Variants in GAS2L3 observed in about 807,000 individuals in gnomAD.
GAS2L3 encodes the protein growth arrest specific 2 like 3.
In GAS2L3, 28 loss-of-function variants were observed where a neutral mutation model predicts 37.0. The observed-to-expected ratio is 0.76, with a 90% CI of 0.56 to 1.04. GAS2L3 has a LOEUF of 1.04. Ranked by LOEUF, GAS2L3 falls within the 50% of genes least tolerant of loss-of-function variation. The pLI is 0.00. For missense variants in GAS2L3, 793 were observed against 817.6 expected, an observed-to-expected ratio of 0.97 and a Z score of 0.37; for synonymous variants, 290 against 296.6, an observed-to-expected ratio of 0.98 and a Z score of 0.23.
rs1053073917 is a variant in GAS2L3 at position 100,608,747 on chromosome 12, G to A, written c.304-3253G>A. On this transcript the variant is annotated intron_variant, in intron 5 of 9. Transcript: ENST00000547754. ...ACCATGGTCTTGATCTCCTGACCTC[G>A]TGATCCGCCCGCCTCGGCCTCCCAA... 5.9e-5 allele frequency among the ~76,000 whole-genome samples: 9 copies of A among 152,102 alleles called. No individual in the cohort carries two copies. In the South Asian group the frequency reaches 6.2e-4, roughly 11 times the overall value.
chr12:100,617,777 G>T lies in GAS2L3; in HGVS notation c.479G>T (p.Cys160Phe), dbSNP rs1351718913. The T allele has an allele frequency of 5.0e-6, 8 of 1,608,080 alleles. No individual in the cohort carries two copies. The highest frequency in any genetic ancestry group is 1.7e-5 in the Admixed American group (1 of 59,860). ...AAAGATCCAAGACAGGTGTATCTTT[G>T]TCTTCTTGAAATTGGTCGAATTGTG... ...LHKDPRQVYL[C>F]LLEIGRIVSR... Residue 160 changes from cysteine (C) to phenylalanine (F), a missense_variant, in exon 7 of 10, where the codon TGT becomes TTT. Transcript: ENST00000547754.
Position 100,621,874 on chromosome 12 carries a change from TGG to T in GAS2L3, c.649-393_649-392del, listed in dbSNP as rs757283474. 7.1e-3 allele frequency among the ~76,000 whole-genome samples: 631 copies of T among 88,688 alleles called. 8 individuals carry two copies. In the East Asian group the frequency reaches 0.096, roughly 13 times the overall value. 58.2% of individuals were successfully genotyped at this position (88,688 alleles called of 152,430 possible). Reference sequence around the variant, plus strand: ...GATGAAGGGTGGTGGGGAGGGAGGGTGGGGGGGGGAGAGAGAGAGAGAGAGAG... The same window carrying T: ...GATGAAGGGTGGTGGGGAGGGAGGGTGGGGGGGAGAGAGAGAGAGAGAGAG... On this transcript the variant is annotated intron_variant, in intron 8 of 9. Coordinates refer to ENST00000547754, the MANE Select transcript of GAS2L3 (RefSeq NM_174942.3).
intron 1 of GAS2L3, among the ~76,000 whole-genome samples, chr12:100,575,575 G>T (rs905829096): frequency 7.2e-6 from 1 of 138,400 alleles, no homozygotes; most frequent in East Asian, 2.4e-4. Context: ...TCTGCCTCCC[G>T]GGTTCAAGCG....
intron 1 of GAS2L3, among the ~76,000 whole-genome samples, chr12:100,590,400 C>CA (rs1280475915): frequency 6.6e-6 from 1 of 151,992 alleles, no homozygotes; most frequent in East Asian, 1.9e-4. Context: ...TAGCCATAAT[C>CA]AAAAAATCAA....
chr12:100,609,378 G>A (rs1349740341), intron 5 of GAS2L3, among the ~76,000 whole-genome samples: 1 of 152,146 alleles, frequency 6.6e-6, no homozygotes, highest in Non-Finnish European at 1.5e-5. Context: ...AGCAGGTGAT[G>A]AATCCTGCCA....
intron 8 of GAS2L3, 43 bp downstream of exon 8, chr12:100,618,630 G>T: frequency 6.4e-7 from 1 of 1,563,666 alleles, no homozygotes; most frequent in Non-Finnish European, 8.6e-7. Context: ...ATACCTTGAA[G>T]TCTCATAGTT....
At chr12:100,585,547 C>T (rs982456454) in intron 1 of GAS2L3, among the ~76,000 whole-genome samples, 3 of 152,142 alleles carry the variant, frequency 2.0e-5, no homozygotes, top group South Asian at 2.1e-4. Flanking sequence ...AGCCACCACA[C>T]CCAGCCAACA....
chr12:100,583,759 G>A (rs563840038), intron 1 of GAS2L3, among the ~76,000 whole-genome samples: 21 of 152,092 alleles, frequency 1.4e-4, no homozygotes, highest in South Asian at 2.1e-4. Context: ...ATTTGCCACC[G>A]CACCCAGCCG....
intron 1 of GAS2L3, among the ~76,000 whole-genome samples, chr12:100,586,897 A>G (rs756927517): frequency 2.8e-4 from 43 of 152,364 alleles, no homozygotes; most frequent in Middle Eastern, 3.4e-3. Context: ...AGGAGATATT[A>G]CAACTGACAA....
intron 1 of GAS2L3, chr12:100,579,559 A>T (rs1244187366): frequency 1.3e-6 from 1 of 773,200 alleles, no homozygotes; most frequent in African/African-American, 1.7e-5. Context: ...ATTTTGCAAG[A>T]AGTTCCGGAA....
intron 1 of GAS2L3, chr12:100,579,007 A>G: frequency 1.2e-6 from 1 of 840,846 alleles, no homozygotes; most frequent in South Asian, 1.3e-5. Flanking sequence ...ATGACCTCAA[A>G]GTCTATTACT....
chr12:100,611,246 A>C (rs527520463), intron 5 of GAS2L3: 2 of 152,296 alleles, frequency 1.3e-5, no homozygotes, highest in African/African-American at 4.8e-5. Context: ...TCAGCCTCCG[A>C]AAGTACTGGG....
rs762710024 is a variant in GAS2L3, at chr12:100,624,610, C to A, written c.1805C>A (p.Pro602His). ...AAAAGTGCATTTCAGAAGACAGGAC[C>A]CAGCTCCTTGAAGTCTCCTGGCCGT... The part of the protein sequence containing the change: ...QNKSAFQKTG[P>H]SSLKSPGRTP... Residue 602 changes from proline (P) to histidine (H), a missense_variant, in exon 10 of 10, where the codon CCC becomes CAC. Pro to His is a moderately conservative substitution (Grantham distance 77). Coordinates refer to ENST00000547754, the MANE Select transcript of GAS2L3 (RefSeq NM_174942.3). 1.6e-5 allele frequency: 26 copies of A among 1,614,034 alleles called. No individual in the cohort carries two copies. The highest frequency in any genetic ancestry group is 2.2e-5 in the Non-Finnish European group (26 of 1,180,010).
intron 1 of GAS2L3, among the ~76,000 whole-genome samples, chr12:100,582,581 A>G (rs1955726794): frequency 6.6e-6 from 1 of 152,206 alleles, no homozygotes; most frequent in African/African-American, 2.4e-5. Flanking sequence ...ATTTATGAAA[A>G]ATATATTTCT....
chr12:100,620,905 A>G (rs1390356002), intron 8 of GAS2L3, among the ~76,000 whole-genome samples: 3 of 152,110 alleles, frequency 2.0e-5, no homozygotes. Flanking sequence ...CATGGTGTGT[A>G]TGTTTGTATC....
At chr12:100,622,208 T>C (rs1956262873) in intron 8 of GAS2L3, 67 bp from the exon 9 acceptor site, 1 of 836,696 alleles carries the variant, frequency 1.2e-6, no homozygotes. Flanking sequence ...AGCTATCAAA[T>C]AATATTACAC....
At chr12:100,622,428 A>G (rs747338842) in intron 9 of GAS2L3, 46 bp downstream of exon 9, 2 of 977,832 alleles carry the variant, frequency 2.0e-6, no homozygotes, top group South Asian at 2.9e-5. Flanking sequence ...TACTGTTTTG[A>G]AATTGGATTT....
intron 5 of GAS2L3, among the ~76,000 whole-genome samples, chr12:100,606,897 T>C (rs1456157271): frequency 6.6e-6 from 1 of 152,178 alleles, no homozygotes; most frequent in African/African-American, 2.4e-5. Flanking sequence ...TACTTTAATA[T>C]AATATTTTAC....
chr12:100,576,496 A>G (rs554772738), intron 1 of GAS2L3, among the ~76,000 whole-genome samples: 1 of 152,326 alleles, frequency 6.6e-6, no homozygotes, highest in Admixed American at 6.5e-5. Context: ...ACATAGAATG[A>G]TATTAGATAT....
Sources: gnomAD v4.1 joint callset for allele counts (sites outside exome capture counted in the v4.1 genomes callset) on GRCh38, gnomAD v4.1.1 for gene constraint, MANE v1.5 for transcripts, NCBI Gene and HGNC (gene_info 2026-07-23, HGNC 2026-07-21) for gene names.